The following RBMS2 variants were observed in gnomAD, a reference collection of about 807,000 sequenced individuals.
The protein encoded by RBMS2 is RNA binding motif single stranded interacting protein 2.
A neutral mutation model predicts 58.4 loss-of-function variants in RBMS2; 38 were observed. That is an observed-to-expected ratio of 0.65 (90% confidence interval 0.50 to 0.85). The LOEUF (loss-of-function observed/expected upper bound fraction) is 0.85. RBMS2 is among the 40% of genes least tolerant of loss of function. The pLI, the probability that RBMS2 is intolerant of heterozygous loss-of-function variation, is 0.00. For missense variants in RBMS2, 367 were observed against 503.7 expected (o/e 0.73, Z 2.60); for synonymous variants, 151 against 180.7 (o/e 0.84, Z 1.32).
In RBMS2 at chr12:56,589,432, G is replaced by A. The variant is rs759439781; in HGVS notation, c.*299G>A. The A allele has an allele frequency of 2.5e-5, 15 of 590,978 alleles. No homozygotes were observed. The highest frequency in any genetic ancestry group is 3.6e-5 in the Non-Finnish European group (15 of 422,282). The allele number at this position is 590,978 out of a possible 1,614,324, so 36.6% of individuals were successfully genotyped here. On this transcript the variant is annotated 3_prime_UTR_variant, in exon 14 of 14. Transcript: ENST00000262031. ...AAAGCTTTTTGTTTTTAACTGCAAC[G>A]TACTTTTCCCCTACCTTGAAGAGAC...
intron 9 of RBMS2, among the ~76,000 whole-genome samples, chr12:56,584,359 G>C (rs1432655322): frequency 6.6e-6 from 1 of 151,130 alleles, no homozygotes. Context: ...CTTGAGCCCG[G>C]AGATTGAGGT....
chr12:56,569,067 A>G (rs778268487), intron 3 of RBMS2, 34 bp downstream of exon 3: 3 of 1,574,824 alleles, frequency 1.9e-6, no homozygotes, highest in African/African-American at 2.7e-5. Context: ...GTTGGAGAGC[A>G]CCAGTAAGTG....
chr12:56,525,868 G>A (rs1300385352), intron 1 of RBMS2, among the ~76,000 whole-genome samples: 1 of 151,052 alleles, frequency 6.6e-6, no homozygotes, highest in Non-Finnish European at 1.5e-5. Context: ...TCACCATGTC[G>A]GCCAGGCTGT....
At chr12:56,578,159 C>T (rs562685620) in intron 5 of RBMS2, among the ~76,000 whole-genome samples, 6 of 151,044 alleles carry the variant, frequency 4.0e-5, no homozygotes, top group Admixed American at 6.6e-5. Flanking sequence ...GATGGCGTCT[C>T]GCTCTGTTGC....
rs2136619983 is a variant in RBMS2 at position 56,589,374 on chromosome 12, G to A, written c.*241G>A. ...CACTTTTTTTGTGTGCTACATTCAA[G>A]GAGATCAAAAAAACTTTTCTTCTTT... On this transcript the variant is annotated 3_prime_UTR_variant, in exon 14 of 14. Transcript: ENST00000262031. The A allele has an allele frequency of 9.2e-7, 1 of 1,090,636 alleles. No homozygotes were observed. Among genetic ancestry groups the A allele is most frequent in the South Asian group, 1.9e-5 (1 of 51,828 alleles). The allele number at this position is 1,090,636 out of a possible 1,614,324, so 67.6% of individuals were successfully genotyped here.
chr12:56,573,896 A>G (rs554656719), intron 5 of RBMS2, among the ~76,000 whole-genome samples: 1 of 152,222 alleles, frequency 6.6e-6, no homozygotes, highest in Non-Finnish European at 1.5e-5. Context: ...GCTGGAGTGC[A>G]ATGGCACAAT....
At chr12:56,573,823 A>T (rs938955260) in intron 5 of RBMS2, among the ~76,000 whole-genome samples, 1 of 148,322 alleles carries the variant, frequency 6.7e-6, no homozygotes, top group Non-Finnish European at 1.5e-5. Flanking sequence ...ACGCCTGGCT[A>T]ATTTTTGTAT....
chr12:56,588,419 C>A (rs372900136), intron 12 of RBMS2, 45 bp downstream of exon 12: 20 of 1,527,928 alleles, frequency 1.3e-5, no homozygotes, highest in Non-Finnish European at 1.4e-5. Context: ...GGAAAATGAA[C>A]GGAGGCAGGT....
intron 1 of RBMS2, among the ~76,000 whole-genome samples, chr12:56,532,819 C>T (rs1013160032): frequency 6.6e-6 from 1 of 152,150 alleles, no homozygotes; most frequent in Non-Finnish European, 1.5e-5. Context: ...AGACTAGATT[C>T]ATTGCCTGTA....
At position 56,588,972 on chromosome 12, in the gene RBMS2, C is replaced by T. The variant is rs761746341; in HGVS notation, c.1184C>T (p.Pro395Leu). 9 of 1,614,142 alleles carry T rather than the reference C, an allele frequency of 5.6e-6. No individual in the cohort carries two copies. Among genetic ancestry groups the T allele is most frequent in the Admixed American group, 1.7e-5 (1 of 60,012 alleles). ...GQQNQVAVDA[P>L]SEHGVYSFQF... ...CAGAACCAAGTGGCAGTGGACGCAC[C>T]CTCAGAGCATGGGGTCTATTCTTTC... Residue 395 changes from proline (P) to leucine (L), a missense_variant, in exon 13 of 14, where the codon CCC becomes CTC. Physicochemically the swap from Pro to Leu is moderately conservative, Grantham distance 98 (BLOSUM62 -3). This residue lies in a region of RBMS2 where 220 missense variants were observed against 261.1 expected (regional missense o/e 0.84). Transcript: ENST00000262031.
chr12:56,573,327 A>C (rs531824008), intron 5 of RBMS2: 2 of 328,316 alleles, frequency 6.1e-6, no homozygotes, highest in African/African-American at 4.5e-5. Context: ...AAATACAAAA[A>C]TTAGCTGGGT....
chr12:56,540,413 T>G (rs544250747), intron 1 of RBMS2, among the ~76,000 whole-genome samples: 12 of 152,220 alleles, frequency 7.9e-5, no homozygotes, highest in African/African-American at 2.6e-4. Flanking sequence ...TCACTTTCTG[T>G]CCCAGGCTGG....
chr12:56,561,759 C>CT (rs1491217647), intron 1 of RBMS2, among the ~76,000 whole-genome samples: 1 of 22,140 alleles, frequency 4.5e-5, no homozygotes, highest in African/African-American at 7.1e-5. Flanking sequence ...TCGTGATCCA[C>CT]CCCCCCCCTC....
Position 56,561,768 on chromosome 12 carries a change from T to G in RBMS2, c.67-649T>G, listed in dbSNP as rs142703928. 7.6e-3 allele frequency among the ~76,000 whole-genome samples: 132 copies of G among 17,448 alleles called. 1 individual carries two copies. The highest frequency in any genetic ancestry group is 0.045 in the Middle Eastern group (1 of 22). The allele number at this position is 17,448 out of a possible 152,430, so 11.4% of individuals were successfully genotyped here. ...CTGACCTCGTGATCCACCCCCCCCC[T>G]CCTTGGCCTCCCAAAGTGCTGGGGT... On this transcript the variant is annotated intron_variant, in intron 1 of 13. Coordinates refer to ENST00000262031, the MANE Select transcript of RBMS2 (RefSeq NM_002898.4).
intron 1 of RBMS2, among the ~76,000 whole-genome samples, chr12:56,522,684 T>C (rs574815234): frequency 6.6e-6 from 1 of 152,266 alleles, no homozygotes; most frequent in Admixed American, 6.5e-5. Flanking sequence ...TGTGATACTT[T>C]GGATCTTGTA....
intron 2 of RBMS2, among the ~76,000 whole-genome samples, chr12:56,565,740 C>T (rs1277663295): frequency 1.3e-5 from 2 of 152,036 alleles, no homozygotes; most frequent in Admixed American, 6.6e-5. Flanking sequence ...AGACGGACTT[C>T]CTGCCTTTGT....
In RBMS2 at chr12:56,594,109, T is replaced by C. The variant is rs1475025134; in HGVS notation, c.*4976T>C. 2 of 152,268 alleles carry C rather than the reference T, an allele frequency of 1.3e-5. No individual in the cohort carries two copies. The allele number at this position is 152,268 out of a possible 1,614,324, so 9.4% of individuals were successfully genotyped here. ...TTAGTGCCTCCAGTGCCTACTCCTGTCACTCCAATGTCAACCCATTGGGAG... is the reference window on the plus strand; with the variant it reads ...TTAGTGCCTCCAGTGCCTACTCCTGCCACTCCAATGTCAACCCATTGGGAG... On this transcript the variant is annotated 3_prime_UTR_variant, in exon 14 of 14. Transcript: ENST00000262031.
intron 5 of RBMS2, chr12:56,580,229 C>G (rs1883740372): frequency 2.8e-6 from 1 of 355,766 alleles, no homozygotes; most frequent in Non-Finnish European, 5.4e-6. Context: ...CTGAGCCTGG[C>G]CTTTTTTTTT....
intron 5 of RBMS2, among the ~76,000 whole-genome samples, chr12:56,576,539 G>C (rs1388150426): frequency 6.6e-6 from 1 of 152,060 alleles, no homozygotes. Context: ...ATCTCCTGAG[G>C]ATAAGGGGGG....
Sources: gnomAD v4.1 joint callset for allele counts (sites outside exome capture counted in the v4.1 genomes callset) on GRCh38, gnomAD v4.1.1 for gene constraint, gnomAD v4.1.1 regional missense constraint, MANE v1.5 for transcripts, NCBI Gene and HGNC (gene_info 2026-07-23, HGNC 2026-07-21) for gene names.